PRPS2: variants seen among roughly 807,000 people sequenced by gnomAD.
The protein encoded by PRPS2 is ribose-phosphate pyrophosphokinase 2.
For missense variants in PRPS2, 104 were observed against 271.5 expected (o/e 0.38, Z 4.34); for synonymous variants, 111 against 115.3 (o/e 0.96, Z 0.24).
intron 3 of PRPS2, 36 bp downstream of exon 3, chrX:12,809,368 A>G (rs776891372): frequency 8.8e-7 from 1 of 1,140,336 alleles, no homozygotes; most frequent in Non-Finnish European, 1.2e-6. Flanking sequence ...GGTTAAATCA[A>G]GTCTGTTAAA....
At chrX:12,822,671 C>T (rs1181128004) in intron 6 of PRPS2, 33 bp from the exon 7 acceptor site, 2 of 1,140,202 alleles carry the variant, frequency 1.8e-6, no homozygotes, top group Non-Finnish European at 2.4e-6. Flanking sequence ...GTCCTGCTTC[C>T]CTTCTCCCTT....
intron 4 of PRPS2, among the ~76,000 whole-genome samples, chrX:12,812,548 A>AC (rs1252229880): frequency 9.0e-6 from 1 of 111,680 alleles, no homozygotes; most frequent in Non-Finnish European, 1.9e-5. Flanking sequence ...AATCACTTGA[A>AC]CCTGGGAGGT....
At chrX:12,810,640 G>A (rs978033528) in intron 4 of PRPS2, among the ~76,000 whole-genome samples, 3 of 111,013 alleles carry the variant, frequency 2.7e-5, no homozygotes, top group Non-Finnish European at 5.7e-5. Flanking sequence ...ATCAGATCCA[G>A]CAAGAGCCTG....
rs1320140849 is a variant in PRPS2 at position 12,823,079 on chromosome X, T to C, written c.*283T>C. 1 of 258,775 alleles carries C rather than the reference T, an allele frequency of 3.9e-6. No homozygotes were observed. Among genetic ancestry groups the C allele is most frequent in the Non-Finnish European group, 6.7e-6 (1 of 148,683 alleles). 21.3% of individuals were successfully genotyped at this position (258,775 alleles called of 1,213,427 possible). On this transcript the variant is annotated 3_prime_UTR_variant, in exon 7 of 7. Coordinates refer to ENST00000380668, the MANE Select transcript of PRPS2 (RefSeq NM_002765.5). ...TAACAGGTACAGGTGATCTCTTCCT[T>C]TGTTCTTTCAGTACTTTGAGGCGAC...
At chrX:12,817,446 A>C (rs999679054) in intron 4 of PRPS2, among the ~76,000 whole-genome samples, 1 of 97,731 alleles carries the variant, frequency 1.0e-5, no homozygotes, top group African/African-American at 3.7e-5. Flanking sequence ...CCCTCTTTAC[A>C]AGAAATAAAA....
intron 4 of PRPS2, among the ~76,000 whole-genome samples, chrX:12,811,303 C>T (rs191522058): frequency 2.1e-3 from 234 of 112,201 alleles, no homozygotes; most frequent in African/African-American, 7.2e-3. Flanking sequence ...CGTAACAGTA[C>T]GGCAGTGATG....
chrX:12,812,692 T>C (rs1182045568), intron 4 of PRPS2, among the ~76,000 whole-genome samples: 1 of 111,844 alleles, frequency 8.9e-6, no homozygotes, highest in African/African-American at 3.2e-5. Flanking sequence ...AAGTGTACAG[T>C]TCAGCAGTGT....
intron 6 of PRPS2, among the ~76,000 whole-genome samples, chrX:12,821,579 A>C (rs750353506): frequency 2.7e-5 from 3 of 112,300 alleles, no homozygotes; most frequent in Non-Finnish European, 5.6e-5. Flanking sequence ...ATGCCAATAA[A>C]TTGTATACTT....
intron 4 of PRPS2, among the ~76,000 whole-genome samples, chrX:12,817,468 T>TAAAAAAAA (rs765566895): frequency 4.5e-5 from 3 of 67,247 alleles, no homozygotes; most frequent in East Asian, 4.9e-4. Flanking sequence ...ATGTTCCTCA[T>TAAAAAAAA]AAAAAAAAAA....
chrX:12,808,334 CTATTTTGAAT>C (rs2042605030), intron 2 of PRPS2, among the ~76,000 whole-genome samples: 1 of 103,756 alleles, frequency 9.6e-6, no homozygotes, highest in South Asian at 4.7e-4. Context: ...TCATTTGTTA[CTATTTTGAAT>C]GAAATCTTTT....
At chrX:12,817,720 C>A (rs2042655557) in intron 4 of PRPS2, among the ~76,000 whole-genome samples, 1 of 111,810 alleles carries the variant, frequency 8.9e-6, no homozygotes, top group Non-Finnish European at 1.9e-5. Context: ...GTTATTCAGA[C>A]TTAAAGAGAG....
At chrX:12,800,022 T>C in intron 2 of PRPS2, among the ~76,000 whole-genome samples, 1 of 112,376 alleles carries the variant, frequency 8.9e-6, no homozygotes, top group East Asian at 2.8e-4. Flanking sequence ...GAAGAAAATG[T>C]GGTTGGTCTT....
At position 12,805,540 on chromosome X, in the gene PRPS2, C is replaced by T. The variant is rs747211087; in HGVS notation, c.307-3694C>T. Among the ~76,000 whole-genome samples, 10 of 112,020 alleles carry T rather than the reference C, an allele frequency of 8.9e-5. No homozygotes were observed. The South Asian group carries it at 3.4e-3, about 38-fold the overall frequency. On this transcript the variant is annotated intron_variant, in intron 2 of 6. Coordinates refer to ENST00000380668, the MANE Select transcript of PRPS2 (RefSeq NM_002765.5). Reference sequence around the variant, plus strand: ...TAGTCAATGTGTACATGAAGGGGTGCGGCTGTGTTCCAGTAAAACTTTATG... The same window carrying T: ...TAGTCAATGTGTACATGAAGGGGTGTGGCTGTGTTCCAGTAAAACTTTATG...
At chrX:12,810,218 A>G in intron 4 of PRPS2, 72 bp downstream of exon 4, 3 of 1,162,208 alleles carry the variant, frequency 2.6e-6, no homozygotes, top group African/African-American at 1.8e-5. Flanking sequence ...TGTATTAGAT[A>G]AGGAAGCATG....
At chrX:12,807,065 A>G (rs1473608043) in intron 2 of PRPS2, among the ~76,000 whole-genome samples, 1 of 103,522 alleles carries the variant, frequency 9.7e-6, no homozygotes, top group African/African-American at 3.6e-5. Context: ...TCAAAAAAAA[A>G]GAAATATTCT....
rs1318012465 is a variant in PRPS2 at position 12,824,059 on chromosome X, T to G, written c.*1263T>G. ...TAGCCTCCAACTTAAATTACATTAG[T>G]CAACTTATAGATACTCATATGATCA... On this transcript the variant is annotated 3_prime_UTR_variant, in exon 7 of 7. Transcript: ENST00000380668. The G allele has an allele frequency of 8.9e-6, 1 of 112,521 alleles. No individual in the cohort carries two copies. The highest frequency in any genetic ancestry group is 1.9e-5 in the Non-Finnish European group (1 of 53,287). 9.3% of individuals were successfully genotyped at this position (112,521 alleles called of 1,213,427 possible).
At chrX:12,822,049 G>T (rs966927083) in intron 6 of PRPS2, among the ~76,000 whole-genome samples, 2 of 112,383 alleles carry the variant, frequency 1.8e-5, no homozygotes, top group African/African-American at 6.5e-5. Context: ...AAATGGTCAG[G>T]ATAGCGATGT....
At chrX:12,812,799 C>T (rs2042630584) in intron 4 of PRPS2, among the ~76,000 whole-genome samples, 1 of 111,556 alleles carries the variant, frequency 9.0e-6, no homozygotes, top group East Asian at 2.8e-4. Flanking sequence ...CAGTCACTCC[C>T]CATTTACTTC....
At chrX:12,806,771 A>T (rs1391795399) in intron 2 of PRPS2, among the ~76,000 whole-genome samples, 5 of 112,356 alleles carry the variant, frequency 4.5e-5, no homozygotes, top group Non-Finnish European at 9.4e-5. Flanking sequence ...AATACCACAC[A>T]CTGGGTAATT....
Sources: gnomAD v4.1 joint callset for allele counts (sites outside exome capture counted in the v4.1 genomes callset) on GRCh38, gnomAD v4.1.1 for gene constraint, MANE v1.5 for transcripts, NCBI Gene and HGNC (gene_info 2026-07-23, HGNC 2026-07-21) for gene names.